Variants in FAM13A observed in about 807,000 individuals in gnomAD.
FAM13A encodes the protein protein FAM13A.
Under a neutral mutation model 129.6 loss-of-function variants are expected in FAM13A, and 76 were observed. The observed-to-expected ratio is 0.59, with a 90% CI of 0.49 to 0.71. The LOEUF (loss-of-function observed/expected upper bound fraction) is 0.71, where lower values mean the gene tolerates loss of function less well. Ranked by LOEUF, FAM13A falls within the 30% of genes least tolerant of loss-of-function variation. The pLI, the probability that FAM13A is intolerant of heterozygous loss-of-function variation, is 0.00. For missense variants in FAM13A, 1,108 were observed against 1,249.3 expected, an observed-to-expected ratio of 0.89 and a Z score of 1.70; for synonymous variants, 443 against 449.9, an observed-to-expected ratio of 0.98 and a Z score of 0.20.
At chr4:89,039,723 C>CA (rs923191923) in intron 1 of FAM13A, among the ~76,000 whole-genome samples, 2 of 151,378 alleles carry the variant, frequency 1.3e-5, no homozygotes, top group East Asian at 1.9e-4. Flanking sequence ...TAACTGACAT[C>CA]AAAAAAAGGG....
chr4:88,736,214 C>T (rs927241981), intron 21 of FAM13A: 5 of 152,138 alleles, frequency 3.3e-5, no homozygotes, highest in Admixed American at 1.3e-4. Context: ...ACCGTGTTTA[C>T]AGCATTTTCA....
At chr4:88,844,600 A>C (rs568914803) in intron 7 of FAM13A, among the ~76,000 whole-genome samples, 1 of 152,184 alleles carries the variant, frequency 6.6e-6, no homozygotes, top group Non-Finnish European at 1.5e-5. Flanking sequence ...ATAGTCCTGG[A>C]AAGTGTGGGT....
chr4:88,997,199 A>T (rs1343700912), intron 3 of FAM13A, among the ~76,000 whole-genome samples: 6 of 152,238 alleles, frequency 3.9e-5, no homozygotes, highest in Non-Finnish European at 7.3e-5. Context: ...TGGAATAAAA[A>T]CTAGGATCAT....
intron 8 of FAM13A, among the ~76,000 whole-genome samples, chr4:88,802,631 T>A (rs1727716886): frequency 6.6e-6 from 1 of 152,126 alleles, no homozygotes; most frequent in Admixed American, 6.5e-5. Flanking sequence ...TTCCATAAAG[T>A]GATAACAAGA....
At chr4:88,872,928 T>A (rs1741687002) in intron 6 of FAM13A, among the ~76,000 whole-genome samples, 1 of 152,168 alleles carries the variant, frequency 6.6e-6, no homozygotes, top group African/African-American at 2.4e-5. Flanking sequence ...ACAGAAATTA[T>A]AACAAACTGT....
Position 88,882,457 on chromosome 4 carries a change from T to C in FAM13A, c.843+23922A>G, listed in dbSNP as rs537409705. ...GTCTTTTTCAGACAATACAATCTTTTTCAGACAATGCTGAGATAATTCACC... is the reference window on the plus strand; with the variant it reads ...GTCTTTTTCAGACAATACAATCTTTCTCAGACAATGCTGAGATAATTCACC... On this transcript the variant is annotated intron_variant, in intron 6 of 23. Transcript: ENST00000264344. 6.6e-5 allele frequency among the ~76,000 whole-genome samples: 10 copies of C among 152,204 alleles called. No homozygotes were observed. In the South Asian group the frequency reaches 1.0e-3, roughly 16 times the overall value.
At chr4:88,999,332 A>G (rs1260379945) in intron 3 of FAM13A, among the ~76,000 whole-genome samples, 1 of 152,196 alleles carries the variant, frequency 6.6e-6, no homozygotes, top group Non-Finnish European at 1.5e-5. Flanking sequence ...CTGGAACCTC[A>G]TATCTACAAT....
At chr4:88,773,303 A>C (rs1158901614) in intron 11 of FAM13A, among the ~76,000 whole-genome samples, 2 of 151,672 alleles carry the variant, frequency 1.3e-5, no homozygotes, top group East Asian at 3.9e-4. Context: ...CTTGTAGGGC[A>C]AAACCTGTTC....
chr4:88,822,992 T>C, intron 7 of FAM13A: 11 of 1,613,438 alleles, frequency 6.8e-6, no homozygotes, highest in Non-Finnish European at 9.3e-6. Flanking sequence ...AGAGGCATGA[T>C]TTCACAAGCC....
chr4:89,008,131 C>T (rs1174019333), intron 3 of FAM13A, among the ~76,000 whole-genome samples: 1 of 152,114 alleles, frequency 6.6e-6, no homozygotes, highest in Non-Finnish European at 1.5e-5. Context: ...TAACATCCCA[C>T]TGCAGGCTTT....
chr4:88,893,853 C>A (rs1745846095), intron 6 of FAM13A, among the ~76,000 whole-genome samples: 1 of 149,200 alleles, frequency 6.7e-6, no homozygotes, highest in South Asian at 2.1e-4. Context: ...AGAAACAGTT[C>A]AAGAGTTACG....
chr4:88,789,882 T>C (rs62308739), intron 9 of FAM13A, among the ~76,000 whole-genome samples: 7 of 152,060 alleles, frequency 4.6e-5, no homozygotes, highest in Non-Finnish European at 7.4e-5. Flanking sequence ...AGCAATAAGG[T>C]TGGCCCTCCG....
chr4:88,978,663 G>A (rs1002018699), intron 4 of FAM13A, among the ~76,000 whole-genome samples: 9 of 152,096 alleles, frequency 5.9e-5, no homozygotes, highest in Non-Finnish European at 8.8e-5. Flanking sequence ...GCGTGGTGGT[G>A]GGCGCCTGTA....
intron 4 of FAM13A, among the ~76,000 whole-genome samples, chr4:88,979,291 T>C (rs1761330403): frequency 6.6e-6 from 1 of 152,240 alleles, no homozygotes; most frequent in South Asian, 2.1e-4. Flanking sequence ...ACAAATTTGA[T>C]GATACGCATA....
At chr4:89,017,163 A>G (rs75026697) in intron 3 of FAM13A, among the ~76,000 whole-genome samples, 2,068 of 152,292 alleles carry the variant, frequency 0.014, 47 homozygotes, top group African/African-American at 0.047. Flanking sequence ...TATTTTTCAG[A>G]AAGTATTTAT....
chr4:89,032,775 CACTGTGA>C (rs1768875570), intron 1 of FAM13A, among the ~76,000 whole-genome samples: 2 of 152,270 alleles, frequency 1.3e-5, no homozygotes, highest in South Asian at 4.1e-4. Context: ...ACTGCATGTT[CACTGTGA>C]ACAGCTTTGA....
chr4:88,809,420 T>C (rs1729214349), intron 7 of FAM13A, among the ~76,000 whole-genome samples: 1 of 152,138 alleles, frequency 6.6e-6, no homozygotes, highest in Non-Finnish European at 1.5e-5. Context: ...TTTGTAAGTG[T>C]TCCTTGAATA....
intron 19 of FAM13A, among the ~76,000 whole-genome samples, chr4:88,741,143 A>C (rs1311194243): frequency 6.6e-6 from 1 of 152,146 alleles, no homozygotes; most frequent in Non-Finnish European, 1.5e-5. Context: ...CATCAATTCC[A>C]CTCTTAAGTA....
At chr4:88,890,939 C>T (rs913087080) in intron 6 of FAM13A, among the ~76,000 whole-genome samples, 4 of 152,014 alleles carry the variant, frequency 2.6e-5, no homozygotes, top group South Asian at 2.1e-4. Flanking sequence ...AGAACAGAAA[C>T]GTGAATAGAC....
Sources: allele counts gnomAD v4.1 joint callset (sites outside exome capture counted in the v4.1 genomes callset), GRCh38; gene constraint gnomAD v4.1.1; transcripts MANE v1.5; gene names NCBI Gene and HGNC (gene_info 2026-07-23, HGNC 2026-07-21).